NFYA: variants seen among roughly 807,000 people sequenced by gnomAD.
NFYA encodes nuclear transcription factor Y subunit alpha.
A neutral mutation model predicts 52.8 loss-of-function variants in NFYA; 28 were observed. The observed-to-expected ratio is 0.53, with a 90% CI of 0.39 to 0.73. NFYA has a LOEUF of 0.73. Ranked by LOEUF, NFYA falls within the 30% of genes least tolerant of loss-of-function variation. NFYA has a pLI of 0.00. For synonymous variants in NFYA, 150 were observed against 150.7 expected (o/e 1.00, Z 0.03); for missense variants, 234 against 427.0 (o/e 0.55, Z 3.98).
intron 1 of NFYA, among the ~76,000 whole-genome samples, chr6:41,076,225 T>C (rs372319597): frequency 7.2e-5 from 11 of 152,228 alleles, no homozygotes; most frequent in African/African-American, 2.2e-4. Flanking sequence ...CTGGGTAGCA[T>C]AGGGAGACCC....
intron 4 of NFYA, among the ~76,000 whole-genome samples, chr6:41,084,501 A>G (rs1763988316): frequency 6.6e-6 from 1 of 152,240 alleles, no homozygotes; most frequent in Non-Finnish European, 1.5e-5. Flanking sequence ...AGAAAGTTAG[A>G]AAAATAACAA....
chr6:41,084,132 T>C lies in NFYA; in HGVS notation c.249T>C (p.Pro83=), dbSNP rs767187310. 3 of 1,614,202 alleles carry C rather than the reference T, an allele frequency of 1.9e-6. No homozygotes were observed. The highest frequency in any genetic ancestry group is 2.5e-6 in the Non-Finnish European group (3 of 1,180,030). Residue 83 remains proline, a synonymous_variant, in exon 4 of 10, where the codon CCT becomes CCC. Transcript: ENST00000341376. ...TGQPIMVQAV[P]GGQGQTIMQV... ...AACCCATCATGGTCCAGGCTGTCCC[T>C]GGTGGACAAGGTCAAACCATCATGC...
At chr6:41,085,040 T>A (rs1408202518) in intron 4 of NFYA, among the ~76,000 whole-genome samples, 3 of 152,172 alleles carry the variant, frequency 2.0e-5, no homozygotes, top group African/African-American at 4.8e-5. Context: ...AATTAGATAT[T>A]TCTCATCGAG....
rs1258938557 is a variant in NFYA at position 41,092,926 on chromosome 6, T to C, written c.729T>C (p.Ala243=). The C allele has an allele frequency of 2.5e-6, 4 of 1,613,704 alleles. No homozygotes were observed. The highest frequency in any genetic ancestry group is 3.4e-6 in the Non-Finnish European group (4 of 1,179,724). The part of the protein sequence containing the change: ...SGGMVMMVPG[A]GSVPAIQRIP... ...TGTTCACACAGATGGTTCCTGGGGC[T>C]GGCTCTGTGCCTGCTATCCAAAGAA... Residue 243 remains alanine (A), a synonymous_variant, in exon 8 of 10, where the codon GCT becomes GCC. Coordinates refer to ENST00000341376, the MANE Select transcript of NFYA (RefSeq NM_002505.5).
Position 41,092,893 on chromosome 6 carries a change from T to C in NFYA, c.715-19T>C. On this transcript the variant is annotated intron_variant, in intron 7 of 9. Transcript: ENST00000341376. ...CATACTTCATGCCACCAATAAGCTC[T>C]GGTTTCCTGTTCACACAGATGGTTC... 6.2e-7 allele frequency: 1 copy of C among 1,608,682 alleles called. No individual in the cohort carries two copies. Among genetic ancestry groups the C allele is most frequent in the Non-Finnish European group, 8.5e-7 (1 of 1,177,346 alleles).
intron 1 of NFYA, among the ~76,000 whole-genome samples, 172 bp downstream of exon 1, chr6:41,073,256 C>A (rs1763581662): frequency 6.6e-6 from 1 of 151,450 alleles, no homozygotes; most frequent in Admixed American, 6.6e-5. Context: ...GCGAGCGCCT[C>A]GGGGCACTCC....
At chr6:41,077,791 G>A (rs1481473336) in intron 1 of NFYA, among the ~76,000 whole-genome samples, 2 of 152,164 alleles carry the variant, frequency 1.3e-5, no homozygotes, top group Non-Finnish European at 2.9e-5. Flanking sequence ...TACCTAGCGA[G>A]CATTCCATTA....
chr6:41,082,637 A>G (rs1176827400), intron 3 of NFYA, among the ~76,000 whole-genome samples: 3 of 152,248 alleles, frequency 2.0e-5, no homozygotes, highest in Non-Finnish European at 2.9e-5. Flanking sequence ...CTTTATGGAA[A>G]TAATAGAAAC....
intron 3 of NFYA, among the ~76,000 whole-genome samples, chr6:41,082,954 G>A (rs943576776): frequency 1.3e-5 from 2 of 152,142 alleles, no homozygotes; most frequent in Admixed American, 1.3e-4. Context: ...GGTGGTGATT[G>A]TAGGAGGACC....
Position 41,079,029 on chromosome 6 carries a change from G to C in NFYA, c.-61G>C, listed in dbSNP as rs755808995. The stretch of plus-strand genomic sequence containing the variant: ...GTTTCTTTCCCCACCTTTCTAACAG[G>C]AGTGTACCTCACAGCCTTCTAGGAT... On this transcript the variant is annotated splice_region_variant and 5_prime_UTR_variant, in exon 2 of 10. Coordinates refer to ENST00000341376, the MANE Select transcript of NFYA (RefSeq NM_002505.5). The C allele has an allele frequency of 2.0e-5, 29 of 1,481,990 alleles. No individual in the cohort carries two copies. The highest frequency in any genetic ancestry group is 2.4e-5 in the Non-Finnish European group (26 of 1,064,342). 91.8% of individuals were successfully genotyped at this position (1,481,990 alleles called of 1,614,324 possible). A position where few individuals can be genotyped will look rare whatever the true frequency, so the allele number is the denominator to read the frequency against.
At position 41,089,582 on chromosome 6, in the gene NFYA, C is replaced by A; in HGVS notation, c.313C>A (p.Gln105Lys). The A allele has an allele frequency of 1.2e-6, 2 of 1,606,922 alleles. No homozygotes were observed. Among genetic ancestry groups the A allele is most frequent in the Non-Finnish European group, 1.7e-6 (2 of 1,177,370 alleles). ...VSGTQGLQQI[Q>K]LVPPGQIQIQ... ...TTTTTTATGTTCTTTTCTGCAGATA[C>A]AGTTGGTCCCACCTGGACAGATCCA... The change falls in exon 5 of 10, where the codon CAG becomes AAG. Residue 105 changes from glutamine (Q) to lysine (K), a missense_variant. Physicochemically the swap from Gln to Lys is moderately conservative, Grantham distance 53. This residue lies in a region of NFYA where 118 missense variants were observed against 182.4 expected (regional missense o/e 0.65). Coordinates refer to ENST00000341376, the MANE Select transcript of NFYA (RefSeq NM_002505.5).
intron 1 of NFYA, among the ~76,000 whole-genome samples, chr6:41,073,635 G>T (rs1050228854): frequency 4.3e-4 from 66 of 152,130 alleles, no homozygotes; most frequent in African/African-American, 1.4e-3. Context: ...GGGAGGCCTG[G>T]GGAGGGTGCG....
intron 9 of NFYA, 46 bp from the exon 10 acceptor site, chr6:41,097,311 T>C: frequency 6.3e-7 from 1 of 1,592,234 alleles, no homozygotes; most frequent in Non-Finnish European, 8.6e-7. Context: ...TGAGTTCCTG[T>C]TGCTTTTGCA....
chr6:41,082,402 GCT>G (rs1308222826), intron 3 of NFYA, among the ~76,000 whole-genome samples: 1 of 152,202 alleles, frequency 6.6e-6, no homozygotes, highest in Admixed American at 6.5e-5. Flanking sequence ...AATGTAACAT[GCT>G]CTTAACTGTA....
rs1373181051 is a variant in NFYA at position 41,074,180 on chromosome 6, T to C, written c.-62+1096T>C. On this transcript the variant is annotated intron_variant, in intron 1 of 9. Transcript: ENST00000341376. ...TCAGGCTTGACCCAGTCCACTCATC[T>C]CTTGGTTTATGTTTTTCTGATACAC... 2.0e-5 allele frequency among the ~76,000 whole-genome samples: 3 copies of C among 152,330 alleles called. No individual in the cohort carries two copies. In the East Asian group the frequency reaches 5.8e-4, roughly 29 times the overall value.
At chr6:41,094,785 A>G (rs902822806) in intron 9 of NFYA, among the ~76,000 whole-genome samples, 4 of 152,210 alleles carry the variant, frequency 2.6e-5, no homozygotes, top group African/African-American at 7.2e-5. Flanking sequence ...AAAAAAATAC[A>G]AAAACTAGCC....
intron 1 of NFYA, among the ~76,000 whole-genome samples, chr6:41,074,436 A>AGGGCC (rs1379173320): frequency 6.6e-6 from 1 of 152,212 alleles, no homozygotes; most frequent in African/African-American, 2.4e-5. Context: ...TTAGTGCTAT[A>AGGGCC]AAGGGGCCAA....
chr6:41,077,207 C>T (rs144171936), intron 1 of NFYA, among the ~76,000 whole-genome samples: 203 of 152,166 alleles, frequency 1.3e-3, no homozygotes, highest in African/African-American at 4.6e-3. Flanking sequence ...CTTTCATGAT[C>T]CTTATTTTTT....
At chr6:41,092,794 C>T (rs2113818285) in intron 7 of NFYA, 118 bp from the exon 8 acceptor site, 1 of 962,584 alleles carries the variant, frequency 1.0e-6, no homozygotes, top group South Asian at 1.7e-5. Context: ...TACCCAAGTA[C>T]CCTATAAAAA....
Sources: allele counts gnomAD v4.1 joint callset (sites outside exome capture counted in the v4.1 genomes callset), GRCh38; gene constraint gnomAD v4.1.1; regional missense constraint gnomAD v4.1.1; transcripts MANE v1.5; gene names NCBI Gene and HGNC (gene_info 2026-07-23, HGNC 2026-07-21).